Variants in DPP6 observed in about 807,000 individuals in gnomAD.
DPP6 encodes dipeptidyl peptidase like 6, also known as A-type potassium channel modulatory protein DPP6.
A neutral mutation model predicts 122.6 loss-of-function variants in DPP6; 69 were observed. That is an observed-to-expected ratio of 0.56 (90% CI 0.46 to 0.69). DPP6 has a LOEUF of 0.69. DPP6 is among the 30% of genes least tolerant of loss of function. DPP6 has a pLI of 0.00. For missense variants in DPP6, 928 were observed against 1,116.9 expected (o/e 0.83, Z 2.41); for synonymous variants, 418 against 433.1 (o/e 0.97, Z 0.43).
chr7:153,991,706 C>T (rs1303464709), intron 1 of DPP6, among the ~76,000 whole-genome samples: 1 of 152,190 alleles, frequency 6.6e-6, no homozygotes, highest in African/African-American at 2.4e-5. Context: ...ATTCACAGTC[C>T]ATTAGACAGC....
intron 1 of DPP6, among the ~76,000 whole-genome samples, chr7:154,425,655 T>TGTGTGTG: frequency 6.7e-6 from 1 of 149,946 alleles, no homozygotes; most frequent in African/African-American, 2.5e-5. Context: ...TGTGTGTGTG[T>TGTGTGTG]TTACTGAGAT....
intron 1 of DPP6, among the ~76,000 whole-genome samples, chr7:153,925,202 G>A (rs938992438): frequency 4.6e-5 from 7 of 152,192 alleles, no homozygotes; most frequent in African/African-American, 1.7e-4. Context: ...GATGAAGGGA[G>A]ACCATCCGCA....
intron 1 of DPP6, among the ~76,000 whole-genome samples, chr7:154,260,332 G>A (rs1802930480): frequency 6.6e-6 from 1 of 152,152 alleles, no homozygotes; most frequent in South Asian, 2.1e-4. Flanking sequence ...GGAACAGGTA[G>A]TGGTTGGTTA....
chr7:154,173,258 A>G (rs1797627221), intron 1 of DPP6, among the ~76,000 whole-genome samples: 1 of 152,168 alleles, frequency 6.6e-6, no homozygotes, highest in Non-Finnish European at 1.5e-5. Context: ...GACTCATCAC[A>G]ATTTGTTTTA....
chr7:153,882,912 G>A (rs1201227187), upstream of DPP6, among the ~76,000 whole-genome samples: 4 of 152,212 alleles, frequency 2.6e-5, no homozygotes, highest in Admixed American at 2.6e-4. Context: ...GGGCTTAGGT[G>A]CTATGGAACA....
At chr7:153,819,744 A>G in the DPP6 span, among the ~76,000 whole-genome samples, 2 of 152,236 alleles carry the variant, frequency 1.3e-5, no homozygotes, top group Admixed American at 6.5e-5. Flanking sequence ...ACTGAACTGT[A>G]TATGTAAAAA....
intron 19 of DPP6, among the ~76,000 whole-genome samples, chr7:154,873,905 CAT>C (rs1271018426): frequency 3.3e-5 from 5 of 149,594 alleles, no homozygotes; most frequent in African/African-American, 7.5e-5. Flanking sequence ...CACCCACACA[CAT>C]AGGCACACAC....
chr7:154,763,084 C>A (rs1795661522), intron 8 of DPP6, among the ~76,000 whole-genome samples: 1 of 152,236 alleles, frequency 6.6e-6, no homozygotes, highest in Middle Eastern at 3.2e-3. Flanking sequence ...GTAATCCCAG[C>A]ACTTTGGGAG....
chr7:153,789,885 C>T, the DPP6 span, among the ~76,000 whole-genome samples: 1 of 151,962 alleles, frequency 6.6e-6, no homozygotes, highest in African/African-American at 2.4e-5. Flanking sequence ...ATCTTAGAGA[C>T]AATATATAAT....
the DPP6 span, among the ~76,000 whole-genome samples, chr7:153,774,484 C>T: frequency 3.9e-5 from 6 of 152,232 alleles, no homozygotes; most frequent in South Asian, 2.1e-4. Context: ...ATAAAATTTG[C>T]GGATTCCTTA....
chr7:154,010,776 C>G (rs1798119525), intron 1 of DPP6, among the ~76,000 whole-genome samples: 1 of 152,064 alleles, frequency 6.6e-6, no homozygotes, highest in South Asian at 2.1e-4. Flanking sequence ...TTTATAAAAC[C>G]CAACTGTGCA....
the DPP6 span, among the ~76,000 whole-genome samples, chr7:153,781,623 C>A: frequency 1.3e-5 from 2 of 152,140 alleles, no homozygotes; most frequent in African/African-American, 4.8e-5. Context: ...GGTAGATTGG[C>A]TCCCCCTTAT....
the DPP6 span, among the ~76,000 whole-genome samples, chr7:153,820,803 A>C: frequency 6.6e-6 from 1 of 151,592 alleles, no homozygotes; most frequent in Non-Finnish European, 1.5e-5. Flanking sequence ...ATGATACAGG[A>C]AAAATTGGTA....
At chr7:154,781,345 C>T (rs747135408) in intron 10 of DPP6, among the ~76,000 whole-genome samples, 11 of 152,232 alleles carry the variant, frequency 7.2e-5, no homozygotes, top group East Asian at 3.9e-4. Context: ...AAAAGGATGC[C>T]GCAGTCCCTA....
intron 1 of DPP6, among the ~76,000 whole-genome samples, chr7:154,322,381 C>T (rs1267885746): frequency 6.6e-6 from 1 of 152,112 alleles, no homozygotes; most frequent in Admixed American, 6.5e-5. Context: ...TAACCCAGAC[C>T]CCACCATGCT....
At chr7:153,810,946 G>C in the DPP6 span, among the ~76,000 whole-genome samples, 1 of 152,020 alleles carries the variant, frequency 6.6e-6, no homozygotes, top group Non-Finnish European at 1.5e-5. Flanking sequence ...TGTTCTATTA[G>C]TGCATAGTTT....
intron 1 of DPP6, among the ~76,000 whole-genome samples, chr7:154,186,367 C>T (rs1293267550): frequency 2.0e-5 from 3 of 152,214 alleles, no homozygotes; most frequent in Admixed American, 6.5e-5. Context: ...GAACAAAAGA[C>T]TAGTTTTTAT....
chr7:154,529,482 A>G (rs1429763046), intron 3 of DPP6, among the ~76,000 whole-genome samples: 8 of 152,228 alleles, frequency 5.3e-5, no homozygotes, highest in Non-Finnish European at 1.2e-4. Flanking sequence ...ATTAATATCC[A>G]TAATGTCTAG....
At chr7:154,824,393 C>A (rs1247993791) in intron 16 of DPP6, among the ~76,000 whole-genome samples, 2 of 152,220 alleles carry the variant, frequency 1.3e-5, no homozygotes, top group Non-Finnish European at 2.9e-5. Context: ...GATTCTCCTG[C>A]CTCAGCCTCC....
Sources: gnomAD v4.1 joint callset for allele counts (sites outside exome capture counted in the v4.1 genomes callset) on GRCh38, gnomAD v4.1.1 for gene constraint, MANE v1.5 for transcripts, NCBI Gene and HGNC (gene_info 2026-07-23, HGNC 2026-07-21) for gene names.